Variants in GTF3C1 observed in about 807,000 individuals in gnomAD.
GTF3C1 encodes the protein general transcription factor 3C polypeptide 1.
In GTF3C1, 57 loss-of-function variants were observed where a neutral mutation model predicts 226.7. The observed-to-expected ratio is 0.25, with a 90% CI of 0.20 to 0.31. The LOEUF (loss-of-function observed/expected upper bound fraction) is 0.31, where lower values mean the gene tolerates loss of function less well. GTF3C1 is among the 10% of genes least tolerant of loss of function. The pLI, the probability that GTF3C1 is intolerant of heterozygous loss-of-function variation, is 1.00. For missense variants in GTF3C1, 2,217 were observed against 2,776.1 expected, an observed-to-expected ratio of 0.80 and a Z score of 4.53; for synonymous variants, 1,090 against 1,084.8, an observed-to-expected ratio of 1.00 and a Z score of -0.09.
chr16:27,544,137 C>T (rs2089130201), intron 2 of GTF3C1, among the ~76,000 whole-genome samples: 1 of 151,942 alleles, frequency 6.6e-6, no homozygotes, highest in Non-Finnish European at 1.5e-5. Flanking sequence ...ACTTGTAATC[C>T]CAGCAATTTA....
chr16:27,511,654 T>C, intron 7 of GTF3C1, 95 bp downstream of exon 7: 1 of 1,324,508 alleles, frequency 7.5e-7, no homozygotes. Flanking sequence ...TATTACATTC[T>C]CTATAGCAGA....
chr16:27,531,746 TG>T (rs1283307279), intron 5 of GTF3C1, among the ~76,000 whole-genome samples: 1 of 151,966 alleles, frequency 6.6e-6, no homozygotes, highest in Non-Finnish European at 1.5e-5. Context: ...CCGAGTGACT[TG>T]GTAGGAGAGA....
intron 7 of GTF3C1, among the ~76,000 whole-genome samples, chr16:27,510,720 C>T (rs2088560403): frequency 6.6e-6 from 1 of 152,204 alleles, no homozygotes; most frequent in South Asian, 2.1e-4. Flanking sequence ...GCTCTGTCCT[C>T]CTCCCTGCAG....
At chr16:27,486,608 C>G (rs1330025783) in intron 23 of GTF3C1, among the ~76,000 whole-genome samples, 7 of 152,124 alleles carry the variant, frequency 4.6e-5, no homozygotes, top group African/African-American at 1.2e-4. Flanking sequence ...TTGAGTGCAT[C>G]TGGGGACAAT....
intron 28 of GTF3C1, among the ~76,000 whole-genome samples, chr16:27,476,796 A>G (rs138372694): frequency 3.5e-4 from 53 of 152,352 alleles, no homozygotes; most frequent in Admixed American, 1.2e-3. Context: ...TAATAAATGT[A>G]GTTAGTACTT....
chr16:27,487,185 A>G (rs2088153488), intron 23 of GTF3C1, among the ~76,000 whole-genome samples: 1 of 152,266 alleles, frequency 6.6e-6, no homozygotes, highest in African/African-American at 2.4e-5. Context: ...TTTTTAAGCC[A>G]AATTGGTCTT....
chr16:27,513,370 C>G (rs1233762738), intron 6 of GTF3C1, among the ~76,000 whole-genome samples: 1 of 152,148 alleles, frequency 6.6e-6, no homozygotes, highest in Admixed American at 6.6e-5. Context: ...GAGAGGATTG[C>G]TTGAGCCTGG....
At chr16:27,500,219 C>G (rs1423667930) in intron 12 of GTF3C1, among the ~76,000 whole-genome samples, 2 of 152,094 alleles carry the variant, frequency 1.3e-5, no homozygotes, top group Non-Finnish European at 2.9e-5. Flanking sequence ...TTTTTCTTGG[C>G]CTTCTCTGAG....
At position 27,538,168 on chromosome 16, in the gene GTF3C1, C is replaced by G. The variant is rs2089029139; in HGVS notation, c.608+12G>C. 2.6e-6 allele frequency: 4 copies of G among 1,522,442 alleles called. No homozygotes were observed. Among genetic ancestry groups the G allele is most frequent in the Admixed American group, 2.2e-5 (1 of 46,450 alleles). The allele number at this position is 1,522,442 out of a possible 1,614,324, so 94.3% of individuals were successfully genotyped here. ...TATAATTTAAAGCAGAGAAGCAAAT[C>G]CCCCCACTTACTTGAAAGCAGTGGT... On this transcript the variant is annotated intron_variant, in intron 3 of 36. Transcript: ENST00000356183.
intron 29 of GTF3C1, among the ~76,000 whole-genome samples, chr16:27,472,409 C>T (rs1248546370): frequency 6.6e-6 from 1 of 152,198 alleles, no homozygotes; most frequent in Non-Finnish European, 1.5e-5. Flanking sequence ...TGGTCTCCCT[C>T]CTTCCCCATG....
chr16:27,497,881 C>G, intron 13 of GTF3C1, 60 bp from the exon 14 acceptor site: 1 of 1,379,742 alleles, frequency 7.2e-7, no homozygotes, highest in Non-Finnish European at 1.0e-6. Flanking sequence ...AGAGAAAGGA[C>G]AGAGTCTGTC....
Position 27,488,597 on chromosome 16 carries a change from G to C in GTF3C1, c.3468C>G (p.Leu1156=). 1 of 1,613,920 alleles carries C rather than the reference G, an allele frequency of 6.2e-7. No homozygotes were observed. Among genetic ancestry groups the C allele is most frequent in the Non-Finnish European group, 8.5e-7 (1 of 1,179,982 alleles). The stretch of plus-strand genomic sequence containing the variant: ...TTGGGCGCTTGGACAGAAATGTCTG[G>C]AGCCTCACTGTGAGTCCATTCTCTG... ...TAAENGLTVR[L]QTFLSKRPMP... The change falls in exon 22 of 37, where the codon CTC becomes CTG. Residue 1156 remains leucine, a synonymous_variant. Transcript: ENST00000356183.
At chr16:27,488,993 G>A (rs1481047235) in intron 21 of GTF3C1, 50 bp downstream of exon 21, 1 of 1,565,744 alleles carries the variant, frequency 6.4e-7, no homozygotes, top group East Asian at 2.2e-5. Flanking sequence ...GGACAGGAGG[G>A]TGAGTAGCGA....
At chr16:27,486,667 A>G (rs1267016455) in intron 23 of GTF3C1, among the ~76,000 whole-genome samples, 1 of 152,234 alleles carries the variant, frequency 6.6e-6, no homozygotes, top group Non-Finnish European at 1.5e-5. Context: ...GACTGCATAT[A>G]AAACATCCAG....
chr16:27,540,046 A>G (rs748081470), intron 2 of GTF3C1, among the ~76,000 whole-genome samples: 1 of 152,158 alleles, frequency 6.6e-6, no homozygotes, highest in Non-Finnish European at 1.5e-5. Context: ...TCTCAGCCCT[A>G]GTATTTGCAG....
rs956911761 is a variant in GTF3C1 at position 27,486,508 on chromosome 16, C to T, written c.3701-354G>A. On this transcript the variant is annotated intron_variant, in intron 23 of 36. Coordinates refer to ENST00000356183, the MANE Select transcript of GTF3C1 (RefSeq NM_001520.4). Reference sequence around the variant, plus strand: ...AGAAGCCTACAGTGCGTGCTCGGGGCGTACCCACCGAGTGAGCAGGACCAG... The same window carrying T: ...AGAAGCCTACAGTGCGTGCTCGGGGTGTACCCACCGAGTGAGCAGGACCAG... Among the ~76,000 whole-genome samples the T allele has an allele frequency of 4.6e-5, 7 of 152,252 alleles. No individual in the cohort carries two copies. The East Asian group carries it at 1.2e-3, about 25-fold the overall frequency.
At chr16:27,522,707 A>C (rs1019201944) in intron 6 of GTF3C1, among the ~76,000 whole-genome samples, 7 of 152,208 alleles carry the variant, frequency 4.6e-5, no homozygotes, top group African/African-American at 1.7e-4. Flanking sequence ...CACCTTCTTA[A>C]TACTGTGAAG....
Position 27,543,339 on chromosome 16 carries a change from C to T in GTF3C1, c.431+1975G>A, listed in dbSNP as rs116156219. Among the ~76,000 whole-genome samples the T allele has an allele frequency of 7.0e-3, 1,064 of 152,228 alleles. 16 individuals are homozygous for T. Among genetic ancestry groups the T allele is most frequent in the African/African-American group, 0.024 (1,010 of 41,526 alleles). ...AGGCGGAGGTTGCAGTAAACCGAGA[C>T]TGTGCCACTGTACTCCAGCCTAGGC... On this transcript the variant is annotated intron_variant, in intron 2 of 36. Transcript: ENST00000356183.
rs760245565 is a variant in GTF3C1 at position 27,506,933 on chromosome 16, C to T, written c.1466G>A (p.Arg489Gln). The change falls in exon 9 of 37, where the codon CGG becomes CAG. Residue 489 changes from arginine (R) to glutamine (Q), a missense_variant. Transcript: ENST00000356183. ...DSEEERSSSKRRGRGSQKDTR... is the reference protein window; with the variant it reads ...DSEEERSSSKQRGRGSQKDTR... Reference sequence around the variant, plus strand: ...GTCTTTCTGGGACCCTCTGCCTCTCCGCTTGCTGCTGCTCCTCTCCTCCTC... The same window carrying T: ...GTCTTTCTGGGACCCTCTGCCTCTCTGCTTGCTGCTGCTCCTCTCCTCCTC... 41 of 1,613,760 alleles carry T rather than the reference C, an allele frequency of 2.5e-5. No homozygotes were observed. The highest frequency in any genetic ancestry group is 5.0e-5 in the Admixed American group (3 of 59,978).
Sources: gnomAD v4.1 joint callset for allele counts (sites outside exome capture counted in the v4.1 genomes callset) on GRCh38, gnomAD v4.1.1 for gene constraint, MANE v1.5 for transcripts, NCBI Gene and HGNC (gene_info 2026-07-23, HGNC 2026-07-21) for gene names.